Variants in MTX3 observed in about 807,000 individuals in gnomAD.
The protein encoded by MTX3 is metaxin 3.
Under a neutral mutation model 42.5 loss-of-function variants are expected in MTX3, and 27 were observed. The observed-to-expected ratio is 0.64, with a 90% CI of 0.47 to 0.88. The LOEUF (loss-of-function observed/expected upper bound fraction) is 0.88, where lower values mean the gene tolerates loss of function less well. Among genes scored for constraint, MTX3 ranks in the 40% least tolerant of loss-of-function variants. The probability of loss-of-function intolerance (pLI) is 0.00; values close to 1 mark genes in which losing one functional copy is unlikely to be tolerated. For synonymous variants in MTX3, 144 were observed against 132.9 expected, an observed-to-expected ratio of 1.08 and a Z score of -0.57; for missense variants, 378 against 367.0, an observed-to-expected ratio of 1.03 and a Z score of -0.25.
chr5:79,988,428 AG>A, intron 5 of MTX3, 33 bp downstream of exon 5: 1 of 1,563,156 alleles, frequency 6.4e-7, no homozygotes, highest in Non-Finnish European at 8.8e-7. Flanking sequence ...CTTTCTCTCT[AG>A]GGCCCTTGCT....
intron 6 of MTX3, 50 bp from the exon 7 acceptor site, chr5:79,987,157 A>T: frequency 6.4e-7 from 1 of 1,565,682 alleles, no homozygotes; most frequent in Non-Finnish European, 8.8e-7. Context: ...TATTAACTGA[A>T]GGCCGGGTGT....
At position 79,977,532 on chromosome 5, in the gene MTX3, C is replaced by T. The variant is rs533141303; in HGVS notation, c.*6152G>A. 1 of 152,344 alleles carries T rather than the reference C, an allele frequency of 6.6e-6. No homozygotes were observed. The highest frequency in any genetic ancestry group is 1.9e-4 in the East Asian group (1 of 5,192). The allele number at this position is 152,344 out of a possible 1,614,324, so 9.4% of individuals were successfully genotyped here. On this transcript the variant is annotated 3_prime_UTR_variant, in exon 9 of 9. Coordinates refer to ENST00000512528, the MANE Select transcript of MTX3 (RefSeq NM_001363818.2). Reference sequence around the variant, plus strand: ...ACAGGCGAGCTTTCTCTCAAATACACATTCAAAATGGTGTTCCAAATAATC... The same window carrying T: ...ACAGGCGAGCTTTCTCTCAAATACATATTCAAAATGGTGTTCCAAATAATC...
intron 4 of MTX3, 60 bp downstream of exon 4, chr5:79,989,092 A>G: frequency 8.4e-7 from 1 of 1,193,428 alleles, no homozygotes; most frequent in Non-Finnish European, 1.2e-6. Flanking sequence ...TTTTTTCTAA[A>G]CAGACTATGT....
In MTX3 at chr5:79,977,477, T is replaced by G. The variant is rs188089290; in HGVS notation, c.*6207A>C. The stretch of plus-strand genomic sequence containing the variant: ...TCCAACGGCCTTTCACGTGGCTACA[T>G]GTTCACCATTACACCACAACTCAAA... On this transcript the variant is annotated 3_prime_UTR_variant, in exon 9 of 9. Transcript: ENST00000512528. 2 of 152,368 alleles carry G rather than the reference T, an allele frequency of 1.3e-5. No individual in the cohort carries two copies. Among genetic ancestry groups the G allele is most frequent in the East Asian group, 3.9e-4 (2 of 5,188 alleles). The allele number at this position is 152,368 out of a possible 1,614,324, so 9.4% of individuals were successfully genotyped here. A position where few individuals can be genotyped will look rare whatever the true frequency, so the allele number is the denominator to read the frequency against.
At chr5:79,986,682 A>T (rs1197668526) in intron 7 of MTX3, 1 of 527,712 alleles carries the variant, frequency 1.9e-6, no homozygotes, top group Non-Finnish European at 3.6e-6. Context: ...AAAATGACCC[A>T]CTTCAAAGGG....
In MTX3 at chr5:79,989,825, T is replaced by A. The variant is rs78513604; in HGVS notation, c.228+335A>T. Among the ~76,000 whole-genome samples the A allele has an allele frequency of 1.0e-2, 1,522 of 152,328 alleles. 34 individuals carry two copies. Among genetic ancestry groups the A allele is most frequent in the African/African-American group, 0.034 (1,420 of 41,570 alleles). ...CTAGTTGGTGAGAGCTCAGGTGTCATGCCCAGCACAAAATGTGTACCAACT... is the reference window on the plus strand; with the variant it reads ...CTAGTTGGTGAGAGCTCAGGTGTCAAGCCCAGCACAAAATGTGTACCAACT... On this transcript the variant is annotated intron_variant, in intron 3 of 8. Coordinates refer to ENST00000512528, the MANE Select transcript of MTX3 (RefSeq NM_001363818.2).
rs933366797 is a variant in MTX3 at position 79,982,778 on chromosome 5, C to T, written c.*906G>A. 1 of 196,222 alleles carries T rather than the reference C, an allele frequency of 5.1e-6. No individual in the cohort carries two copies. Among genetic ancestry groups the T allele is most frequent in the African/African-American group, 2.4e-5 (1 of 42,120 alleles). The allele number at this position is 196,222 out of a possible 1,614,324, so 12.2% of individuals were successfully genotyped here. On this transcript the variant is annotated 3_prime_UTR_variant, in exon 9 of 9. Coordinates refer to ENST00000512528, the MANE Select transcript of MTX3 (RefSeq NM_001363818.2). ...ATGAGCCAAGCATAGAAAACTTGGA[C>T]CAGATGCACAGTATTTCTACTACCC...
At position 79,979,454 on chromosome 5, in the gene MTX3, A is replaced by T. The variant is rs1245176603; in HGVS notation, c.*4230T>A. 2.6e-5 allele frequency: 4 copies of T among 152,356 alleles called. No individual in the cohort carries two copies. The East Asian group carries it at 7.7e-4, about 29-fold the overall frequency. 9.4% of individuals were successfully genotyped at this position (152,356 alleles called of 1,614,324 possible). On this transcript the variant is annotated 3_prime_UTR_variant, in exon 9 of 9. Transcript: ENST00000512528. ...ACATATACAAAAGATGATCATTACCACCCAAATTATCTCTGTTGCTCAGGA... is the reference window on the plus strand; with the variant it reads ...ACATATACAAAAGATGATCATTACCTCCCAAATTATCTCTGTTGCTCAGGA...
At position 79,979,143 on chromosome 5, in the gene MTX3, A is replaced by G. The variant is rs1311031597; in HGVS notation, c.*4541T>C. 1 of 152,564 alleles carries G rather than the reference A, an allele frequency of 6.6e-6. No individual in the cohort carries two copies. The highest frequency in any genetic ancestry group is 1.5e-5 in the Non-Finnish European group (1 of 68,028). The allele number at this position is 152,564 out of a possible 1,614,324, so 9.5% of individuals were successfully genotyped here. A position where few individuals can be genotyped will look rare whatever the true frequency, so the allele number is the denominator to read the frequency against. On this transcript the variant is annotated 3_prime_UTR_variant, in exon 9 of 9. Transcript: ENST00000512528. ...TCCAGGGCAGGTATCCTGGGCTCCT[A>G]GCAAACACTACACCCCAACAAGAGT...
rs895979018 is a variant in MTX3 at position 79,978,983 on chromosome 5, G to A, written c.*4701C>T. 7.9e-5 allele frequency: 12 copies of A among 152,310 alleles called. No homozygotes were observed. Among genetic ancestry groups the A allele is most frequent in the African/African-American group, 2.7e-4 (11 of 41,300 alleles). The allele number at this position is 152,310 out of a possible 1,614,324, so 9.4% of individuals were successfully genotyped here. On this transcript the variant is annotated 3_prime_UTR_variant, in exon 9 of 9. Transcript: ENST00000512528. The stretch of plus-strand genomic sequence containing the variant: ...CCTTCTATTCACAAACCTTCAACTC[G>A]AGTTACCCTTTCTGATACCTTTGTT...
rs1405514034 is a variant in MTX3 at position 79,980,688 on chromosome 5, T to A, written c.*2996A>T. ...CTACCAACAAAAATAAACACAAGCA[T>A]GTTCCCTTTAATCATATTATCCTCC... On this transcript the variant is annotated 3_prime_UTR_variant, in exon 9 of 9. Transcript: ENST00000512528. 6.6e-6 allele frequency: 1 copy of A among 152,168 alleles called. No individual in the cohort carries two copies. The highest frequency in any genetic ancestry group is 1.5e-5 in the Non-Finnish European group (1 of 68,040). 9.4% of individuals were successfully genotyped at this position (152,168 alleles called of 1,614,324 possible).
At position 79,988,586 on chromosome 5, in the gene MTX3, G is replaced by C; in HGVS notation, c.380C>G (p.Ala127Gly). ...NYFTVTKPWFASQIPFPLSLI... is the reference protein window; with the variant it reads ...NYFTVTKPWFGSQIPFPLSLI... ...ACTCAAAGGAAAAGGAATTTGTGAAGCAAACCATGGCTTTGTCACAGTAAA... is the reference window on the plus strand; with the variant it reads ...ACTCAAAGGAAAAGGAATTTGTGAACCAAACCATGGCTTTGTCACAGTAAA... Residue 127 changes from alanine to glycine, a missense_variant, in exon 5 of 9, where the codon GCT becomes GGT. Coordinates refer to ENST00000512528, the MANE Select transcript of MTX3 (RefSeq NM_001363818.2). 1 of 1,604,828 alleles carries C rather than the reference G, an allele frequency of 6.2e-7. No individual in the cohort carries two copies. Among genetic ancestry groups the C allele is most frequent in the Non-Finnish European group, 8.5e-7 (1 of 1,175,402 alleles).
chr5:79,989,679 C>T (rs1268843852), intron 3 of MTX3, among the ~76,000 whole-genome samples: 1 of 152,134 alleles, frequency 6.6e-6, no homozygotes, highest in Non-Finnish European at 1.5e-5. Context: ...AATAACTTAT[C>T]CATTCATATA....
At chr5:79,984,884 G>A (rs1418852051) in intron 8 of MTX3, among the ~76,000 whole-genome samples, 1 of 152,196 alleles carries the variant, frequency 6.6e-6, no homozygotes, top group Non-Finnish European at 1.5e-5. Flanking sequence ...AAAGAACACG[G>A]TGCTGTTAAT....
Position 79,987,110 on chromosome 5 carries a change from A to G in MTX3, c.582-3T>C. On this transcript the variant is annotated splice_polypyrimidine_tract_variant and splice_region_variant and intron_variant, in intron 6 of 8. Transcript: ENST00000512528. ...CATAGGCATCCAAGGTAGAAGGCCT[A>G]GAAATAAATTAAGGATTTTTAAAGC... 6.2e-7 allele frequency: 1 copy of G among 1,612,744 alleles called. No individual in the cohort carries two copies. The highest frequency in any genetic ancestry group is 8.5e-7 in the Non-Finnish European group (1 of 1,179,448).
In MTX3 at chr5:79,980,565, A is replaced by C. The variant is rs1831350702; in HGVS notation, c.*3119T>G. ...CTTTACAGCTTCTTTAGTGTTACTT[A>C]AAAAAAAAAAAAAAATCAATCTGAT... On this transcript the variant is annotated 3_prime_UTR_variant, in exon 9 of 9. Coordinates refer to ENST00000512528, the MANE Select transcript of MTX3 (RefSeq NM_001363818.2). 2 of 20,988 alleles carry C rather than the reference A, an allele frequency of 9.5e-5. No homozygotes were observed. Among genetic ancestry groups the C allele is most frequent in the Admixed American group, 9.6e-4 (2 of 2,084 alleles). 1.3% of individuals were successfully genotyped at this position (20,988 alleles called of 1,614,324 possible). A position where few individuals can be genotyped will look rare whatever the true frequency, so the allele number is the denominator to read the frequency against.
chr5:79,982,313 T>C lies in MTX3; in HGVS notation c.*1371A>G, dbSNP rs935142452. On this transcript the variant is annotated 3_prime_UTR_variant, in exon 9 of 9. Coordinates refer to ENST00000512528, the MANE Select transcript of MTX3 (RefSeq NM_001363818.2). ...AATAACTACCTAAATACAGAACAAA[T>C]TGGGAGGATGTGGGTCAAACACAGC... is the stretch of plus-strand genomic sequence containing the variant. 2 of 439,468 alleles carry C rather than the reference T, an allele frequency of 4.6e-6. No homozygotes were observed. 27.2% of individuals were successfully genotyped at this position (439,468 alleles called of 1,614,324 possible).
At position 79,988,319 on chromosome 5, in the gene MTX3, A is replaced by G. The variant is rs756639785; in HGVS notation, c.505-4T>C. ...ACTCCTTGGCATCTCTGTATATCTAATAAGGATGAAATTATATCTCAAAAG... is the reference window on the plus strand; with the variant it reads ...ACTCCTTGGCATCTCTGTATATCTAGTAAGGATGAAATTATATCTCAAAAG... On this transcript the variant is annotated splice_polypyrimidine_tract_variant and splice_region_variant and intron_variant, in intron 5 of 8. Transcript: ENST00000512528. The G allele has an allele frequency of 1.4e-5, 22 of 1,539,506 alleles. No homozygotes were observed. In the South Asian group the frequency reaches 2.3e-4, roughly 16 times the overall value.
At chr5:79,989,297 G>A (rs1352120817) in intron 3 of MTX3, 53 bp from the exon 4 acceptor site, 1 of 1,167,314 alleles carries the variant, frequency 8.6e-7, no homozygotes. Context: ...GCAGCCCAAA[G>A]ACAGTAAAAC....
Sources: allele counts gnomAD v4.1 joint callset (sites outside exome capture counted in the v4.1 genomes callset), GRCh38; gene constraint gnomAD v4.1.1; transcripts MANE v1.5; gene names NCBI Gene and HGNC (gene_info 2026-07-23, HGNC 2026-07-21).